The following SCAP variants were observed in gnomAD, a reference collection of about 807,000 sequenced individuals.
SCAP encodes the protein sterol regulatory element-binding protein cleavage-activating protein.
In SCAP, 65 loss-of-function variants were observed where a neutral mutation model predicts 123.6. That is an observed-to-expected ratio of 0.53 (90% CI 0.43 to 0.65). The LOEUF (loss-of-function observed/expected upper bound fraction) is 0.65, where lower values mean the gene tolerates loss of function less well. SCAP is among the 30% of genes least tolerant of loss of function. SCAP has a pLI of 0.00. For missense variants in SCAP, 1,398 were observed against 1,712.5 expected (o/e 0.82, Z 3.24); for synonymous variants, 740 against 726.3 (o/e 1.02, Z -0.30).
intron 3 of SCAP, among the ~76,000 whole-genome samples, chr3:47,430,282 C>T (rs973227787): frequency 1.3e-5 from 2 of 152,162 alleles, no homozygotes; most frequent in African/African-American, 4.8e-5. Context: ...CTAAATATCA[C>T]ATACTTTTCT....
chr3:47,460,252 T>C (rs1559566978), intron 1 of SCAP, among the ~76,000 whole-genome samples: 1 of 152,186 alleles, frequency 6.6e-6, no homozygotes, highest in Non-Finnish European at 1.5e-5. Context: ...ACGTACATCC[T>C]CAGCTTACGA....
intron 1 of SCAP, among the ~76,000 whole-genome samples, chr3:47,447,549 G>A (rs780277035): frequency 2.6e-5 from 4 of 152,132 alleles, no homozygotes; most frequent in African/African-American, 7.2e-5. Context: ...TTGGCTGGGT[G>A]TGGTGGCGAG....
chr3:47,425,107 C>T (rs981104702), intron 8 of SCAP, among the ~76,000 whole-genome samples: 3 of 152,162 alleles, frequency 2.0e-5, no homozygotes, highest in Admixed American at 6.5e-5. Flanking sequence ...TGGCTTAAGC[C>T]ATCAAGCTGC....
chr3:47,475,998 T>G (rs975314907), upstream of SCAP: 1 of 152,210 alleles, frequency 6.6e-6, no homozygotes, highest in African/African-American at 2.4e-5. Flanking sequence ...CCTCCGCACG[T>G]GCGCCCAGCG....
chr3:47,435,168 G>C, intron 2 of SCAP, 31 bp from the exon 3 acceptor site: 2 of 1,596,188 alleles, frequency 1.3e-6, no homozygotes, highest in Non-Finnish European at 1.7e-6. Context: ...ATAAGAATTA[G>C]ACACTATGAG....
At position 47,414,573 on chromosome 3, in the gene SCAP, T is replaced by G. The variant is rs1355278775; in HGVS notation, c.3386A>C (p.Gln1129Pro). The stretch of plus-strand genomic sequence containing the variant: ...CTACCCCACCTGCAGGCCGCTTACC[T>G]GGTCAATGTACACGGTCGTGATGGC... ...SGAITTVYID[Q>P]TMVLASGGQD... Residue 1129 changes from glutamine to proline, a missense_variant and splice_region_variant, in exon 21 of 23, where the codon CAG (glutamine) becomes CCG (proline). Gln to Pro is a moderately conservative substitution (Grantham distance 76). Around this residue, in one of 7 missense-constraint regions of SCAP, gnomAD observed 44 missense variants for 64.4 expected, o/e 0.68. Coordinates refer to ENST00000265565, the MANE Select transcript of SCAP (RefSeq NM_012235.4). The G allele has an allele frequency of 1.9e-6, 3 of 1,613,376 alleles. No individual in the cohort carries two copies. The highest frequency in any genetic ancestry group is 1.7e-6 in the Non-Finnish European group (2 of 1,179,980).
intron 1 of SCAP, among the ~76,000 whole-genome samples, chr3:47,454,980 C>T (rs1707361825): frequency 6.7e-6 from 1 of 148,494 alleles, no homozygotes; most frequent in Non-Finnish European, 1.5e-5. Context: ...CATAGGTATA[C>T]AACTGGAAAG....
chr3:47,424,284 G>A (rs968608163), intron 8 of SCAP, among the ~76,000 whole-genome samples: 7 of 152,222 alleles, frequency 4.6e-5, no homozygotes, highest in African/African-American at 1.7e-4. Context: ...CCTGTCTCTA[G>A]CCATCCAGCA....
intron 5 of SCAP, 30 bp downstream of exon 5, chr3:47,427,417 A>AAG (rs781391461): frequency 6.8e-6 from 11 of 1,606,408 alleles, no homozygotes; most frequent in Non-Finnish European, 8.5e-6. Context: ...GCACCTTTAC[A>AAG]GGTCTGAAGG....
In SCAP at chr3:47,414,982, G is replaced by T; in HGVS notation, c.3151C>A (p.Arg1051=). ...SPLQFRGTPG[R]GSSPASPVYS... is the part of the protein sequence containing the mutation. ...ACTGGAGAGGCAGGGGAACTGCCCC[G>T]CCCTGGGGTCCCTGAGGACAAAAGG... The change falls in exon 20 of 23, where the codon CGG becomes AGG. Residue 1051 remains arginine (R), a synonymous_variant. Transcript: ENST00000265565. 1 of 1,592,240 alleles carries T rather than the reference G, an allele frequency of 6.3e-7. No individual in the cohort carries two copies. The highest frequency in any genetic ancestry group is 8.5e-7 in the Non-Finnish European group (1 of 1,170,574).
At chr3:47,421,931 C>G (rs1264387931) in intron 10 of SCAP, among the ~76,000 whole-genome samples, 2 of 152,290 alleles carry the variant, frequency 1.3e-5, no homozygotes, top group Non-Finnish European at 2.9e-5. Flanking sequence ...TTGCCAAGAG[C>G]AGGGTCACTC....
intron 16 of SCAP, 137 bp from the exon 17 acceptor site, chr3:47,417,963 G>A (rs1705695751): frequency 4.9e-6 from 2 of 408,076 alleles, no homozygotes; most frequent in East Asian, 4.8e-5. Context: ...GGTGCGGGGT[G>A]GGGAGAGGGG....
intron 2 of SCAP, among the ~76,000 whole-genome samples, chr3:47,437,296 G>A (rs570606204): frequency 7.9e-5 from 12 of 151,790 alleles, no homozygotes; most frequent in Middle Eastern, 3.4e-3. Flanking sequence ...AAAATTAGCC[G>A]GGCGTGGTGG....
Position 47,427,208 on chromosome 3 carries a change from T to C in SCAP, c.686A>G (p.Lys229Arg), listed in dbSNP as rs61738798. The C allele has an allele frequency of 1.4e-5, 23 of 1,613,994 alleles. No homozygotes were observed. In the African/African-American group the frequency reaches 2.9e-4, roughly 21 times the overall value. Residue 229 changes from lysine to arginine, a missense_variant, in exon 6 of 23, where the codon AAG (lysine) becomes AGG (arginine). This residue lies in a region of SCAP where 319 missense variants were observed against 432.4 expected (regional missense o/e 0.74). Coordinates refer to ENST00000265565, the MANE Select transcript of SCAP (RefSeq NM_012235.4). ...GGTGATGGTGTAGGAGACCATCCTCTTCCTGGTGTAGAGGCTCACCCCGCT... is the reference window on the plus strand; with the variant it reads ...GGTGATGGTGTAGGAGACCATCCTCCTCCTGGTGTAGAGGCTCACCCCGCT... ...KYSGVSLYTR[K>R]RMVSYTITLV...
In SCAP at chr3:47,426,146, C is replaced by T. The variant is rs369811317; in HGVS notation, c.761G>A (p.Arg254His). 23 of 1,613,468 alleles carry T rather than the reference C, an allele frequency of 1.4e-5. No individual in the cohort carries two copies. The South Asian group carries it at 1.5e-4, about 11-fold the overall frequency. The change falls in exon 7 of 23, where the codon CGC becomes CAC. Residue 254 changes from arginine (R) to histidine (H), a missense_variant. Transcript: ENST00000265565. The stretch of plus-strand genomic sequence containing the variant: ...GGGGCTGGGGTGCAGAAGCATCAGG[C>T]GGGCACGCAGGCTGCCCAGGAACCT... Reference protein sequence around the residue: ...HAKFLGSLRARLMLLHPSPNC... With the variant: ...HAKFLGSLRAHLMLLHPSPNC...
At chr3:47,425,712 C>T in intron 7 of SCAP, 101 bp from the exon 8 acceptor site, 1 of 1,331,156 alleles carries the variant, frequency 7.5e-7, no homozygotes, top group Non-Finnish European at 1.0e-6. Context: ...GAAGGGAAAA[C>T]TCCTGGTTTC....
chr3:47,459,484 G>A (rs1046243195), intron 1 of SCAP, among the ~76,000 whole-genome samples: 3 of 152,174 alleles, frequency 2.0e-5, no homozygotes, highest in Admixed American at 2.0e-4. Context: ...TCGGCCGGCT[G>A]AGAAATAAAG....
At chr3:47,443,116 T>C (rs1706870683) in intron 1 of SCAP, 25 bp from the exon 2 acceptor site, 2 of 1,508,916 alleles carry the variant, frequency 1.3e-6, no homozygotes, top group Non-Finnish European at 1.8e-6. Flanking sequence ...GAAAAGCCAG[T>C]TAACAAAGAG....
chr3:47,417,119 C>A lies in SCAP; in HGVS notation c.3056+3G>T. 1 of 1,612,916 alleles carries A rather than the reference C, an allele frequency of 6.2e-7. No individual in the cohort carries two copies. Among genetic ancestry groups the A allele is most frequent in the South Asian group, 1.1e-5 (1 of 91,068 alleles). ...ATCTGGGGCTGAGGCAGGCCACGCT[C>A]ACCTTTTGTCCAAGAACACCAGAGC... On this transcript the variant is annotated splice_donor_region_variant and intron_variant, in intron 18 of 22. Coordinates refer to ENST00000265565, the MANE Select transcript of SCAP (RefSeq NM_012235.4).
Sources: allele counts gnomAD v4.1 joint callset (sites outside exome capture counted in the v4.1 genomes callset), GRCh38; gene constraint gnomAD v4.1.1; regional missense constraint gnomAD v4.1.1; transcripts MANE v1.5; gene names NCBI Gene and HGNC (gene_info 2026-07-23, HGNC 2026-07-21).